The following DNAH14 variants were observed in gnomAD, a reference collection of about 807,000 sequenced individuals.
DNAH14 encodes axonemal beta dynein heavy chain 14.
In DNAH14, 478 loss-of-function variants were observed where a neutral mutation model predicts 520.9. The ratio of observed to expected loss-of-function variants is 0.92; its 90% CI spans 0.85 to 0.99. DNAH14 has a LOEUF of 0.99. DNAH14 is among the 50% of genes least tolerant of loss of function. DNAH14 has a pLI of 0.00. For missense variants in DNAH14, 4,831 were observed against 5,234.5 expected, an observed-to-expected ratio of 0.92 and a Z score of 2.38; for synonymous variants, 1,581 against 1,757.2, an observed-to-expected ratio of 0.90 and a Z score of 2.51.
At chr1:225,384,851 A>G (rs1272867499) in intron 81 of DNAH14, among the ~76,000 whole-genome samples, 1 of 152,248 alleles carries the variant, frequency 6.6e-6, no homozygotes, top group African/African-American at 2.4e-5. Flanking sequence ...CAATAGAAAA[A>G]GAGGGAATCC....
chr1:225,093,229 C>T (rs1375001266), intron 21 of DNAH14, among the ~76,000 whole-genome samples: 1 of 151,466 alleles, frequency 6.6e-6, no homozygotes, highest in Non-Finnish European at 1.5e-5. Flanking sequence ...GACAAACATG[C>T]ACATAAAAAT....
At chr1:225,121,521 G>A (rs1256982345) in intron 26 of DNAH14, among the ~76,000 whole-genome samples, 2 of 152,058 alleles carry the variant, frequency 1.3e-5, no homozygotes, top group Non-Finnish European at 2.9e-5. Context: ...TTCTTGGCCT[G>A]GCTTATTTCA....
chr1:225,200,814 A>T, intron 38 of DNAH14, among the ~76,000 whole-genome samples: 1 of 152,146 alleles, frequency 6.6e-6, no homozygotes, highest in African/African-American at 2.4e-5. Flanking sequence ...AACTTTAGAT[A>T]TCCTGATGAC....
intron 81 of DNAH14, among the ~76,000 whole-genome samples, chr1:225,385,541 C>T (rs1575139604): frequency 6.6e-6 from 1 of 152,164 alleles, no homozygotes; most frequent in African/African-American, 2.4e-5. Flanking sequence ...TCTCAGGATA[C>T]CAAATCAATG....
At chr1:225,316,713 C>T (rs938459558) in intron 60 of DNAH14, among the ~76,000 whole-genome samples, 15 of 152,090 alleles carry the variant, frequency 9.9e-5, no homozygotes, top group African/African-American at 3.4e-4. Flanking sequence ...TGAGATGAAC[C>T]AGGTACCTCA....
chr1:225,010,868 C>G (rs1483252956), intron 10 of DNAH14, among the ~76,000 whole-genome samples: 1 of 151,926 alleles, frequency 6.6e-6, no homozygotes, highest in African/African-American at 2.4e-5. Context: ...TCTAGATTTT[C>G]TATTTTATTT....
Position 225,390,364 on chromosome 1 carries a change from G to A in DNAH14, c.13330+491G>A, listed in dbSNP as rs554471785. ...GACATGAACCGGAGTGCATTCCAAC[G>A]ATGCGTGGTCGTGGGGTGGAAAGAG... On this transcript the variant is annotated intron_variant, in intron 83 of 85. Coordinates refer to ENST00000682510, the MANE Select transcript of DNAH14 (RefSeq NM_001367479.1). Among the ~76,000 whole-genome samples, 7 of 152,210 alleles carry A rather than the reference G, an allele frequency of 4.6e-5. No individual in the cohort carries two copies. The South Asian group carries it at 1.2e-3, about 27-fold the overall frequency.
At position 225,206,190 on chromosome 1, in the gene DNAH14, A is replaced by G. The variant is rs1439152560; in HGVS notation, c.6186+11A>G. ...GCCATGGTCTATATGGTAAGCTTTCAAAAACAAATGTTTTAACAAAGCAAA... is the reference window on the plus strand; with the variant it reads ...GCCATGGTCTATATGGTAAGCTTTCGAAAACAAATGTTTTAACAAAGCAAA... On this transcript the variant is annotated intron_variant, in intron 40 of 85. Coordinates refer to ENST00000682510, the MANE Select transcript of DNAH14 (RefSeq NM_001367479.1). 1 of 1,528,574 alleles carries G rather than the reference A, an allele frequency of 6.5e-7. No homozygotes were observed. Among genetic ancestry groups the G allele is most frequent in the East Asian group, 2.5e-5 (1 of 40,472 alleles). 94.7% of individuals were successfully genotyped at this position (1,528,574 alleles called of 1,614,324 possible).
chr1:225,211,740 G>T (rs2088452215), intron 41 of DNAH14, among the ~76,000 whole-genome samples: 2 of 152,090 alleles, frequency 1.3e-5, no homozygotes, highest in Non-Finnish European at 2.9e-5. Context: ...AGGGCAACCA[G>T]AGAGAAAGGT....
At chr1:224,939,165 A>T (rs1056125441) in intron 1 of DNAH14, among the ~76,000 whole-genome samples, 1 of 152,240 alleles carries the variant, frequency 6.6e-6, no homozygotes, top group African/African-American at 2.4e-5. Flanking sequence ...TAAAAATACA[A>T]TACTTGACTG....
At position 225,051,507 on chromosome 1, in the gene DNAH14, C is replaced by A. The variant is rs1181165287; in HGVS notation, c.2136C>A (p.Ser712Arg). The change falls in exon 17 of 86, where the codon AGC becomes AGA. Residue 712 changes from serine to arginine, a missense_variant. Physicochemically the swap from Ser to Arg is moderately radical, Grantham distance 110. Transcript: ENST00000682510. ...GNSMGLVNAY[S>R]HKFIKYCTMT... ...CAATGGGCCTAGTTAATGCTTACAGCCACAAGTTTATAAAGTATTGTACCA... is the reference window on the plus strand; with the variant it reads ...CAATGGGCCTAGTTAATGCTTACAGACACAAGTTTATAAAGTATTGTACCA... 3 of 1,545,682 alleles carry A rather than the reference C, an allele frequency of 1.9e-6. No homozygotes were observed. The South Asian group carries it at 3.6e-5, about 19-fold the overall frequency.
At chr1:225,260,479 G>C (rs1033569824) in intron 46 of DNAH14, among the ~76,000 whole-genome samples, 1 of 152,076 alleles carries the variant, frequency 6.6e-6, no homozygotes, top group African/African-American at 2.4e-5. Context: ...TAAATGTGTG[G>C]GTTTATTTCT....
intron 38 of DNAH14, among the ~76,000 whole-genome samples, chr1:225,199,389 G>T (rs978257375): frequency 6.6e-6 from 1 of 151,794 alleles, no homozygotes; most frequent in Non-Finnish European, 1.5e-5. Context: ...TTTGGGTTTG[G>T]TTTGTTCTTG....
chr1:225,022,443 G>T (rs2065783865), intron 10 of DNAH14, among the ~76,000 whole-genome samples: 1 of 151,990 alleles, frequency 6.6e-6, no homozygotes, highest in Non-Finnish European at 1.5e-5. Context: ...ATGGGCAAAG[G>T]ATATGAACAA....
At chr1:225,177,493 C>T (rs2083457524) in intron 36 of DNAH14, among the ~76,000 whole-genome samples, 1 of 152,186 alleles carries the variant, frequency 6.6e-6, no homozygotes, top group Non-Finnish European at 1.5e-5. Context: ...GTCTCCAGGG[C>T]ATGTCAGAGG....
chr1:224,951,741 C>T (rs2060190040), intron 1 of DNAH14, among the ~76,000 whole-genome samples: 1 of 150,534 alleles, frequency 6.6e-6, no homozygotes, highest in Admixed American at 6.6e-5. Flanking sequence ...AGCTCCGCCT[C>T]CCAGGTTCAC....
At chr1:225,201,873 CTTTTT>C in intron 38 of DNAH14, among the ~76,000 whole-genome samples, 1 of 122,536 alleles carries the variant, frequency 8.2e-6, no homozygotes, top group East Asian at 2.4e-4. Flanking sequence ...TTCTTTCTTC[CTTTTT>C]TTTTTTTTTT....
intron 23 of DNAH14, among the ~76,000 whole-genome samples, chr1:225,117,036 G>C (rs1248018307): frequency 6.6e-6 from 1 of 152,084 alleles, no homozygotes; most frequent in Admixed American, 6.6e-5. Flanking sequence ...AGAAATTTAG[G>C]GGGAGGCCTA....
At chr1:225,318,776 C>G (rs1339429808) in intron 61 of DNAH14, 99 bp downstream of exon 61, 1 of 1,100,986 alleles carries the variant, frequency 9.1e-7, no homozygotes, top group Non-Finnish European at 1.3e-6. Flanking sequence ...ATATACTAAG[C>G]CTATATTCCA....
Sources: gnomAD v4.1 joint callset for allele counts (sites outside exome capture counted in the v4.1 genomes callset) on GRCh38, gnomAD v4.1.1 for gene constraint, MANE v1.5 for transcripts, NCBI Gene and HGNC (gene_info 2026-07-23, HGNC 2026-07-21) for gene names.